Variants in AP5Z1 observed in about 807,000 individuals in gnomAD.
The protein encoded by AP5Z1 is AP-5 complex subunit zeta-1.
A neutral mutation model predicts 83.0 loss-of-function variants in AP5Z1; 106 were observed. The observed-to-expected ratio is 1.28, with a 90% CI of 1.09 to 1.50. The LOEUF is 1.50. Ranked by LOEUF, AP5Z1 falls within the 40% of genes most tolerant of loss-of-function variation. The probability of loss-of-function intolerance (pLI) is 0.00; values close to 1 mark genes in which losing one functional copy is unlikely to be tolerated. For synonymous variants in AP5Z1, 751 were observed against 514.1 expected, an observed-to-expected ratio of 1.46 and a Z score of -6.23; for missense variants, 1,565 against 1,094.2, an observed-to-expected ratio of 1.43 and a Z score of -6.07.
rs1050518030 is a variant in AP5Z1 at position 4,785,410 on chromosome 7, T to A, written c.932-5T>A. 1 of 1,612,832 alleles carries A rather than the reference T, an allele frequency of 6.2e-7. No individual in the cohort carries two copies. The highest frequency in any genetic ancestry group is 1.3e-5 in the African/African-American group (1 of 74,910). On this transcript the variant is annotated splice_polypyrimidine_tract_variant and splice_region_variant and intron_variant, in intron 7 of 16. Transcript: ENST00000649063. ...GAGCCGGCTGACTTTTTCCCCTCCT[T>A]CCAGGAGCCCTGAGGAAGGGGGACT...
At position 4,784,186 on chromosome 7, in the gene AP5Z1, G is replaced by C; in HGVS notation, c.622-17G>C. The C allele has an allele frequency of 6.3e-7, 1 of 1,577,604 alleles. No homozygotes were observed. Among genetic ancestry groups the C allele is most frequent in the Non-Finnish European group, 8.6e-7 (1 of 1,163,020 alleles). ...GCCTCGGCCCCCTCCGCCCACTCCT[G>C]CCTGTCCTTCCCACAGCCGGGCCCC... On this transcript the variant is annotated splice_polypyrimidine_tract_variant and intron_variant, in intron 5 of 16. Coordinates refer to ENST00000649063, the MANE Select transcript of AP5Z1 (RefSeq NM_014855.3).
At chr7:4,788,986 G>T in intron 13 of AP5Z1, 35 bp downstream of exon 13, 1 of 1,582,790 alleles carries the variant, frequency 6.3e-7, no homozygotes, top group South Asian at 1.1e-5. Flanking sequence ...CATTCCCACA[G>T]GCCTCACAAC....
chr7:4,790,407 G>GA, intron 14 of AP5Z1, 52 bp from the exon 15 acceptor site: 1 of 1,611,904 alleles, frequency 6.2e-7, no homozygotes, highest in Non-Finnish European at 8.5e-7. Context: ...CCTGGATGGG[G>GA]ATGGGGTCAT....
rs749398092 is a variant in AP5Z1, at chr7:4,788,947, C to G, written c.1703C>G (p.Thr568Ser). ...TLLQAFFSAVTQVADGSLINQ... is the reference protein window; with the variant it reads ...TLLQAFFSAVSQVADGSLINQ... Reference sequence around the variant, plus strand: ...CTGCAGGCATTCTTCTCAGCAGTGACCCAGGTGAGCTCGCTGCCTGGGGCC... The same window carrying G: ...CTGCAGGCATTCTTCTCAGCAGTGAGCCAGGTGAGCTCGCTGCCTGGGGCC... The change falls in exon 13 of 17, where the codon ACC (threonine) becomes AGC (serine). Residue 568 changes from threonine to serine, a missense_variant. Physicochemically the swap from Thr to Ser is moderately conservative, Grantham distance 58 (BLOSUM62 1). Transcript: ENST00000649063. 1.2e-6 allele frequency: 2 copies of G among 1,610,680 alleles called. No individual in the cohort carries two copies. Among genetic ancestry groups the G allele is most frequent in the Non-Finnish European group, 1.7e-6 (2 of 1,179,264 alleles).
In AP5Z1 at chr7:4,788,486, C is replaced by T. The variant is rs561720287; in HGVS notation, c.1595+192C>T. On this transcript the variant is annotated intron_variant, in intron 12 of 16. Transcript: ENST00000649063. ...GGGTCTGCCGGGGGCGGGGCCTGGT[C>T]TCAGCTCTCTCTGCTGCCCACATCA... is the stretch of plus-strand genomic sequence containing the variant. The T allele has an allele frequency of 4.9e-5, 34 of 688,804 alleles. No individual in the cohort carries two copies. In the East Asian group the frequency reaches 9.6e-4, roughly 19 times the overall value. The allele number at this position is 688,804 out of a possible 1,614,324, so 42.7% of individuals were successfully genotyped here. A position where few individuals can be genotyped will look rare whatever the true frequency, so the allele number is the denominator to read the frequency against.
Position 4,789,110 on chromosome 7 carries a change from G to GC in AP5Z1, c.1707+163dup, listed in dbSNP as rs1180869232. On this transcript the variant is annotated intron_variant, in intron 13 of 16. Transcript: ENST00000649063. ...GAGGGTCAGGGAGGCACATGCCACA[G>GC]CCCCGGCAGGCCCCGTCCCTTGTCC... is the stretch of plus-strand genomic sequence containing the variant. 4 of 615,066 alleles carry GC rather than the reference G, an allele frequency of 6.5e-6. No individual in the cohort carries two copies. In the African/African-American group the frequency reaches 7.4e-5, roughly 11 times the overall value. 38.1% of individuals were successfully genotyped at this position (615,066 alleles called of 1,614,324 possible).
At position 4,786,427 on chromosome 7, in the gene AP5Z1, A is replaced by T; in HGVS notation, c.1310A>T (p.Lys437Met). Residue 437 changes from lysine (K) to methionine (M), a missense_variant and splice_region_variant, in exon 10 of 17, where the codon AAG becomes ATG. By Grantham distance (95) the Lys-to-Met change is moderately conservative. Coordinates refer to ENST00000649063, the MANE Select transcript of AP5Z1 (RefSeq NM_014855.3). ...AGATTGAGCTTCCCCAACCTCTTTA[A>T]GGTATATTTGGGCATCCCTGGGTGC... ...TLRLSFPNLFKFLAWNSPPLT... is the reference protein window; with the variant it reads ...TLRLSFPNLFMFLAWNSPPLT... The T allele has an allele frequency of 1.2e-6, 2 of 1,613,446 alleles. No homozygotes were observed. Among genetic ancestry groups the T allele is most frequent in the East Asian group, 2.2e-5 (1 of 44,848 alleles).
Position 4,791,751 on chromosome 7 carries a change from A to C in AP5Z1, c.*366A>C, listed in dbSNP as rs753206078. The C allele has an allele frequency of 1.1e-4, 35 of 304,354 alleles. No homozygotes were observed. Among genetic ancestry groups the C allele is most frequent in the Non-Finnish European group, 1.9e-4 (31 of 162,282 alleles). The allele number at this position is 304,354 out of a possible 1,614,324, so 18.9% of individuals were successfully genotyped here. A position where few individuals can be genotyped will look rare whatever the true frequency, so the allele number is the denominator to read the frequency against. On this transcript the variant is annotated 3_prime_UTR_variant, in exon 17 of 17. Coordinates refer to ENST00000649063, the MANE Select transcript of AP5Z1 (RefSeq NM_014855.3). ...GCTGCAGTAAAAGTAAATCTCCTTT[A>C]ATAAGCGTCTGTATGAAGAGTGCGC...
At chr7:4,784,483 A>AGCAGAGGTCAGGACTGAGCAAC in intron 6 of AP5Z1, 112 bp downstream of exon 6, 1 of 1,315,412 alleles carries the variant, frequency 7.6e-7, no homozygotes, top group Non-Finnish European at 1.0e-6. Context: ...CCCAGGATGC[A>AGCAGAGGTCAGGACTGAGCAAC]GCAGAGGTCA....
At chr7:4,776,562 CAAAAAAAAAAAA>C (rs55916241) in intron 1 of AP5Z1, among the ~76,000 whole-genome samples, 1 of 82,414 alleles carries the variant, frequency 1.2e-5, no homozygotes, top group Non-Finnish European at 2.9e-5. Context: ...ACTGAAAATA[CAAAAAAAAAAAA>C]AAAAAAAAAA....
chr7:4,789,196 C>T (rs1049291228), intron 13 of AP5Z1, among the ~76,000 whole-genome samples: 2 of 146,200 alleles, frequency 1.4e-5, no homozygotes, highest in African/African-American at 4.9e-5. Context: ...TTCATCCCGG[C>T]AGGCCACGTC....
At chr7:4,777,674 C>T (rs531662594) in intron 1 of AP5Z1, among the ~76,000 whole-genome samples, 1 of 152,312 alleles carries the variant, frequency 6.6e-6, no homozygotes, top group South Asian at 2.1e-4. Context: ...CAGGTGTGAG[C>T]CACCATACCC....
At position 4,789,842 on chromosome 7, in the gene AP5Z1, G is replaced by A. The variant is rs1224049116; in HGVS notation, c.1718G>A (p.Gly573Glu). 6.4e-7 allele frequency: 1 copy of A among 1,552,006 alleles called. No homozygotes were observed. Among genetic ancestry groups the A allele is most frequent in the Non-Finnish European group, 8.7e-7 (1 of 1,147,862 alleles). Residue 573 changes from glycine to glutamate, a missense_variant, in exon 14 of 17, where the codon GGG becomes GAG. Physicochemically the swap from Gly to Glu is moderately conservative, Grantham distance 98. Transcript: ENST00000649063. Reference protein sequence around the residue: ...FFSAVTQVADGSLINQLALLL... With the variant: ...FFSAVTQVADESLINQLALLL... ...ACTCCTGACCCCCAGGTGGCTGACGGGTCCCTGATCAACCAGCTGGCGCTG... is the reference window on the plus strand; with the variant it reads ...ACTCCTGACCCCCAGGTGGCTGACGAGTCCCTGATCAACCAGCTGGCGCTG...
Position 4,786,361 on chromosome 7 carries a change from G to A in AP5Z1, c.1244G>A (p.Arg415Lys). The A allele has an allele frequency of 1.9e-6, 3 of 1,613,928 alleles. No individual in the cohort carries two copies. Among genetic ancestry groups the A allele is most frequent in the Non-Finnish European group, 2.5e-6 (3 of 1,179,850 alleles). The stretch of plus-strand genomic sequence containing the variant: ...GCCTTTGAATTCATCCAGTTCTGCA[G>A]GGACAACCTCCACCTGTTCAGCGGG... ...MLAFEFIQFC[R>K]DNLHLFSGHL... is the part of the protein sequence containing the mutation. The change falls in exon 10 of 17, where the codon AGG becomes AAG. Residue 415 changes from arginine to lysine, a missense_variant. Arg to Lys is a conservative substitution (Grantham distance 26, BLOSUM62 2). Transcript: ENST00000649063.
intron 13 of AP5Z1, among the ~76,000 whole-genome samples, chr7:4,789,247 G>A (rs1220935520): frequency 6.6e-6 from 1 of 150,970 alleles, no homozygotes; most frequent in Non-Finnish European, 1.5e-5. Context: ...GGCAGGTCCT[G>A]TCTCCCATCC....
Position 4,786,245 on chromosome 7 carries a change from T to C in AP5Z1, c.1133-5T>C. ...CGTGTGCCCTGGCGGGCCCTGGTCT[T>C]GCAGGGGAAGCGGCTGCAGTGGACT... On this transcript the variant is annotated splice_region_variant and splice_polypyrimidine_tract_variant and intron_variant, in intron 9 of 16. Coordinates refer to ENST00000649063, the MANE Select transcript of AP5Z1 (RefSeq NM_014855.3). 6.3e-7 allele frequency: 1 copy of C among 1,597,828 alleles called. No homozygotes were observed.
intron 1 of AP5Z1, among the ~76,000 whole-genome samples, chr7:4,777,026 A>G (rs904409234): frequency 1.3e-5 from 2 of 152,172 alleles, no homozygotes; most frequent in Non-Finnish European, 2.9e-5. Context: ...AAGGCAGGTT[A>G]AGTTCTAAAG....
At chr7:4,783,662 C>T (rs186028694) in intron 4 of AP5Z1, 27 bp from the exon 5 acceptor site, 2 of 1,542,424 alleles carry the variant, frequency 1.3e-6, no homozygotes, top group African/African-American at 2.7e-5. Flanking sequence ...TCAACCTCAC[C>T]TCCCCATGCC....
At chr7:4,790,115 A>G (rs1268260242) in intron 14 of AP5Z1, 186 bp downstream of exon 14, 4 of 1,393,564 alleles carry the variant, frequency 2.9e-6, no homozygotes, top group Non-Finnish European at 2.8e-6. Context: ...TCTGCTTCTC[A>G]AGAACATTCC....
Sources: allele counts gnomAD v4.1 joint callset (sites outside exome capture counted in the v4.1 genomes callset), GRCh38; gene constraint gnomAD v4.1.1; transcripts MANE v1.5; gene names NCBI Gene and HGNC (gene_info 2026-07-23, HGNC 2026-07-21).